The following SAMD5 variants were observed in gnomAD, a reference collection of about 807,000 sequenced individuals.
SAMD5 encodes sterile alpha motif domain-containing protein 5.
A neutral mutation model predicts 11.3 loss-of-function variants in SAMD5; 13 were observed. The ratio of observed to expected loss-of-function variants is 1.15; its 90% CI spans 0.75 to 1.83. The LOEUF (loss-of-function observed/expected upper bound fraction) is 1.83, where lower values mean the gene tolerates loss of function less well. Ranked by LOEUF, SAMD5 falls within the 40% of genes most tolerant of loss-of-function variation. The pLI is 0.00. For missense variants in SAMD5, 255 were observed against 239.1 expected (o/e 1.07, Z -0.44); for synonymous variants, 129 against 111.3 (o/e 1.16, Z -1.00).
At chr6:147,725,305 A>G (rs922846601) in intron 1 of SAMD5, among the ~76,000 whole-genome samples, 2 of 151,960 alleles carry the variant, frequency 1.3e-5, no homozygotes, top group South Asian at 4.1e-4. Context: ...ACATGGACCA[A>G]GCAGGCAGCG....
Position 147,653,939 on chromosome 6 carries a change from TCTC to T in SAMD5, c.163-83375_163-83373del, listed in dbSNP as rs745496804. Among the ~76,000 whole-genome samples the T allele has an allele frequency of 4.0e-4, 61 of 152,194 alleles. 1 individual carries two copies. Among genetic ancestry groups the T allele is most frequent in the Non-Finnish European group, 6.0e-4 (41 of 68,034 alleles). ...GAAGTTGCCTTTGAGACTTCATGCTTCTCCTATTCTTTTACAACACTGGTCACA... is the reference window on the plus strand; with the variant it reads ...GAAGTTGCCTTTGAGACTTCATGCTTCTATTCTTTTACAACACTGGTCACA... On this transcript the variant is annotated intron_variant, in intron 1 of 1. Transcript: ENST00000566741.
chr6:147,686,241 G>A (rs1398707355), intron 1 of SAMD5, among the ~76,000 whole-genome samples: 2 of 151,986 alleles, frequency 1.3e-5, no homozygotes, highest in Non-Finnish European at 2.9e-5. Flanking sequence ...ACTCTGTGAC[G>A]TGTTTCTTCA....
At chr6:147,510,738 T>C (rs1283008617) in intron 1 of SAMD5, among the ~76,000 whole-genome samples, 2 of 152,206 alleles carry the variant, frequency 1.3e-5, no homozygotes, top group Admixed American at 6.5e-5. Context: ...ATCACCTGCT[T>C]GACCATGTTA....
the SAMD5 span, among the ~76,000 whole-genome samples, chr6:147,826,178 G>C: frequency 6.6e-6 from 1 of 152,226 alleles, no homozygotes; most frequent in Admixed American, 6.5e-5. Context: ...TATTACTATA[G>C]CTAATGTGCA....
At chr6:147,572,752 T>C (rs901558487), downstream of SAMD5, among the ~76,000 whole-genome samples, 2 of 152,232 alleles carry the variant, frequency 1.3e-5, no homozygotes, top group Non-Finnish European at 2.9e-5. Context: ...CACATACATG[T>C]TAGTATATGG....
the SAMD5 span, among the ~76,000 whole-genome samples, chr6:147,916,683 T>G: frequency 6.6e-6 from 1 of 150,824 alleles, no homozygotes. Context: ...ATTAGGTATA[T>G]CTCCTAAAGC....
At chr6:147,848,564 C>A in the SAMD5 span, among the ~76,000 whole-genome samples, 1 of 152,130 alleles carries the variant, frequency 6.6e-6, no homozygotes, top group Admixed American at 6.5e-5. Flanking sequence ...ACAAACTCAC[C>A]TAATAAATAC....
chr6:147,542,517 G>C (rs928082704), intron 1 of SAMD5, among the ~76,000 whole-genome samples: 6 of 152,170 alleles, frequency 3.9e-5, no homozygotes, highest in Non-Finnish European at 7.3e-5. Context: ...AGGATAACTT[G>C]GTGGGTGGGG....
intron 1 of SAMD5, among the ~76,000 whole-genome samples, chr6:147,510,146 G>A (rs9485191): frequency 0.059 from 9,057 of 152,242 alleles, 710 homozygotes; most frequent in East Asian, 0.18. Context: ...GGAAGTGTGA[G>A]TGGACCTGCA....
the SAMD5 span, among the ~76,000 whole-genome samples, chr6:147,764,214 A>T: frequency 9.3e-4 from 142 of 152,322 alleles, 3 homozygotes; most frequent in African/African-American, 3.2e-3. Context: ...CCAGAGTTCC[A>T]TAGTGTACAT....
At chr6:147,897,760 C>T in the SAMD5 span, among the ~76,000 whole-genome samples, 2 of 151,968 alleles carry the variant, frequency 1.3e-5, no homozygotes, top group East Asian at 3.9e-4. Flanking sequence ...GCCTGGCCAA[C>T]ATGGTGCAAC....
chr6:147,899,342 A>G, the SAMD5 span, among the ~76,000 whole-genome samples: 1 of 152,132 alleles, frequency 6.6e-6, no homozygotes, highest in Non-Finnish European at 1.5e-5. Flanking sequence ...GCTAAGGACC[A>G]GCTGGAGAGA....
chr6:147,739,309 T>C (rs1275851864), downstream of SAMD5, among the ~76,000 whole-genome samples: 1 of 152,214 alleles, frequency 6.6e-6, no homozygotes, highest in Non-Finnish European at 1.5e-5. Flanking sequence ...ATAGTATCAA[T>C]TTTTGGCCAA....
At chr6:147,918,788 C>T in the SAMD5 span, among the ~76,000 whole-genome samples, 1 of 149,432 alleles carries the variant, frequency 6.7e-6, no homozygotes, top group Admixed American at 6.8e-5. Context: ...ACCTCTGCCT[C>T]CTGGGTTCAA....
chr6:147,672,855 AATTT>A (rs1218999453), intron 1 of SAMD5, among the ~76,000 whole-genome samples: 2 of 152,008 alleles, frequency 1.3e-5, no homozygotes, highest in South Asian at 4.1e-4. Flanking sequence ...TACATTTCAC[AATTT>A]ATTTATTTAT....
downstream of SAMD5, among the ~76,000 whole-genome samples, chr6:147,571,680 A>G (rs1789140710): frequency 3.3e-5 from 5 of 152,324 alleles, no homozygotes; most frequent in South Asian, 1.0e-3. Context: ...ACATTGTTTT[A>G]GATCCCTTTA....
intron 1 of SAMD5, among the ~76,000 whole-genome samples, chr6:147,679,038 A>T (rs539101883): frequency 6.6e-6 from 1 of 152,308 alleles, no homozygotes; most frequent in African/African-American, 2.4e-5. Context: ...AATTTAATGG[A>T]TAGATATACC....
At chr6:147,702,580 T>G (rs1453612514) in intron 1 of SAMD5, among the ~76,000 whole-genome samples, 1 of 152,200 alleles carries the variant, frequency 6.6e-6, no homozygotes, top group Non-Finnish European at 1.5e-5. Context: ...ACAAATAATT[T>G]GGGAAGCTAG....
At chr6:147,849,807 G>T in the SAMD5 span, among the ~76,000 whole-genome samples, 4 of 152,340 alleles carry the variant, frequency 2.6e-5, no homozygotes, top group African/African-American at 9.6e-5. Flanking sequence ...GGCTGGAGGC[G>T]AGGGATCAAT....
Sources: gnomAD v4.1 joint callset for allele counts (sites outside exome capture counted in the v4.1 genomes callset) on GRCh38, gnomAD v4.1.1 for gene constraint, MANE v1.5 for transcripts, NCBI Gene and HGNC (gene_info 2026-07-23, HGNC 2026-07-21) for gene names.